Variants in AHCYL1 observed in about 807,000 individuals in gnomAD.
AHCYL1 encodes the protein S-adenosylhomocysteine hydrolase-like protein 1.
A neutral mutation model predicts 79.3 loss-of-function variants in AHCYL1; 20 were observed. That is an observed-to-expected ratio of 0.25 (90% CI 0.18 to 0.37). The LOEUF (loss-of-function observed/expected upper bound fraction) is 0.37, where lower values mean the gene tolerates loss of function less well. Ranked by LOEUF, AHCYL1 falls within the 10% of genes least tolerant of loss-of-function variation. AHCYL1 has a pLI of 1.00. For missense variants in AHCYL1, 330 were observed against 673.6 expected (o/e 0.49, Z 5.65); for synonymous variants, 223 against 242.2 (o/e 0.92, Z 0.74).
chr1:109,990,143 A>G (rs755429080), intron 1 of AHCYL1, among the ~76,000 whole-genome samples: 18 of 152,148 alleles, frequency 1.2e-4, no homozygotes, highest in Non-Finnish European at 2.5e-4. Context: ...CTGTTCCTAA[A>G]ACTGTGAGTA....
At position 110,013,133 on chromosome 1, in the gene AHCYL1, C is replaced by T. The variant is rs571087089; in HGVS notation, c.580+134C>T. Reference sequence around the variant, plus strand: ...AAATTGTGCATGATAAAAACCTCAACAGGAAGAAAGTGGATAATAAAATTA... The same window carrying T: ...AAATTGTGCATGATAAAAACCTCAATAGGAAGAAAGTGGATAATAAAATTA... On this transcript the variant is annotated intron_variant, in intron 5 of 16. Transcript: ENST00000369799. 9 of 593,298 alleles carry T rather than the reference C, an allele frequency of 1.5e-5. No individual in the cohort carries two copies. In the East Asian group the frequency reaches 2.2e-4, roughly 15 times the overall value. 36.8% of individuals were successfully genotyped at this position (593,298 alleles called of 1,614,324 possible). A position where few individuals can be genotyped will look rare whatever the true frequency, so the allele number is the denominator to read the frequency against.
At chr1:109,987,727 G>A (rs12077217) in intron 1 of AHCYL1, among the ~76,000 whole-genome samples, 4,555 of 152,212 alleles carry the variant, frequency 0.03, 238 homozygotes, top group African/African-American at 0.1. Flanking sequence ...ACTCAGTTTT[G>A]TATGCCAAGG....
intron 1 of AHCYL1, among the ~76,000 whole-genome samples, chr1:110,003,269 A>T (rs1650419220): frequency 6.6e-6 from 1 of 152,198 alleles, no homozygotes; most frequent in Non-Finnish European, 1.5e-5. Flanking sequence ...ATTCTGAACA[A>T]TTTATTGGTA....
At chr1:109,995,037 C>G (rs184805108) in intron 1 of AHCYL1, among the ~76,000 whole-genome samples, 17 of 152,178 alleles carry the variant, frequency 1.1e-4, no homozygotes, top group Middle Eastern at 6.8e-3. Flanking sequence ...CAAGATTTCC[C>G]GGAGAGAAAC....
intron 1 of AHCYL1, among the ~76,000 whole-genome samples, chr1:109,988,755 G>T (rs1421113108): frequency 1.3e-5 from 2 of 152,208 alleles, no homozygotes; most frequent in Admixed American, 1.3e-4. Context: ...GGAAGGAGAA[G>T]AGCACAGAAG....
chr1:109,994,471 T>C (rs1351131753), intron 1 of AHCYL1, among the ~76,000 whole-genome samples: 1 of 152,168 alleles, frequency 6.6e-6, no homozygotes, highest in Non-Finnish European at 1.5e-5. Context: ...TTGTTTTTAG[T>C]AGAGATGGGA....
At chr1:109,991,185 G>T (rs186865440) in intron 1 of AHCYL1, among the ~76,000 whole-genome samples, 11 of 152,252 alleles carry the variant, frequency 7.2e-5, no homozygotes, top group Admixed American at 5.2e-4. Flanking sequence ...CTGCTTATCA[G>T]TATACATTGG....
At position 110,019,493 on chromosome 1, in the gene AHCYL1, A is replaced by T; in HGVS notation, c.1387-55A>T. ...TGCTGTTTAACCTGGTTTTATTTTT[A>T]TGTGCCTGTCTAAGAAATATTTTTG... On this transcript the variant is annotated intron_variant, in intron 14 of 16. Coordinates refer to ENST00000369799, the MANE Select transcript of AHCYL1 (RefSeq NM_006621.7). 2.7e-6 allele frequency: 4 copies of T among 1,484,596 alleles called. No homozygotes were observed. In the South Asian group the frequency reaches 3.7e-5, roughly 14 times the overall value. 92.0% of individuals were successfully genotyped at this position (1,484,596 alleles called of 1,614,324 possible).
chr1:109,995,558 A>C lies in AHCYL1; in HGVS notation c.120+10386A>C, dbSNP rs758456297. ...TTGCCTTATTGTTTTATTTCTGAAC[A>C]AGGCATATCTAATGCATTTGTTCCC... On this transcript the variant is annotated intron_variant, in intron 1 of 16. Transcript: ENST00000369799. 7 of 513,762 alleles carry C rather than the reference A, an allele frequency of 1.4e-5. No individual in the cohort carries two copies. In the South Asian group the frequency reaches 5.9e-4, roughly 43 times the overall value. The allele number at this position is 513,762 out of a possible 1,614,324, so 31.8% of individuals were successfully genotyped here.
chr1:110,010,762 G>T (rs1223468639), intron 2 of AHCYL1, among the ~76,000 whole-genome samples: 2 of 152,192 alleles, frequency 1.3e-5, no homozygotes, highest in Admixed American at 6.5e-5. Flanking sequence ...TGGCCACAGG[G>T]TCTAGCAATA....
chr1:110,005,089 A>G (rs1650561509), intron 1 of AHCYL1, among the ~76,000 whole-genome samples: 2 of 152,336 alleles, frequency 1.3e-5, no homozygotes, highest in South Asian at 2.1e-4. Context: ...GACAGAATAT[A>G]TAAATTTAGG....
chr1:109,984,924 C>T lies in AHCYL1; in HGVS notation c.-129C>T, dbSNP rs1445181761. 4 of 1,309,622 alleles carry T rather than the reference C, an allele frequency of 3.1e-6. No individual in the cohort carries two copies. The highest frequency in any genetic ancestry group is 3.1e-5 in the African/African-American group (2 of 63,672). 81.1% of individuals were successfully genotyped at this position (1,309,622 alleles called of 1,614,324 possible). ...CACAGCACCTCAGAAGCCGACGCAG[C>T]TCGACGCAGGGGCCGGCAGGAGGGT... On this transcript the variant is annotated 5_prime_UTR_variant, in exon 1 of 17. Transcript: ENST00000369799.
At chr1:110,020,634 C>A in intron 15 of AHCYL1, 97 bp from the exon 16 acceptor site, 1 of 1,433,432 alleles carries the variant, frequency 7.0e-7, no homozygotes, top group South Asian at 1.5e-5. Flanking sequence ...CATCCCTTGT[C>A]TGCTTTCTTA....
chr1:109,988,552 G>GATTC (rs1279047002), intron 1 of AHCYL1, among the ~76,000 whole-genome samples: 2 of 152,142 alleles, frequency 1.3e-5, no homozygotes, highest in Non-Finnish European at 2.9e-5. Context: ...GTGTCAAGTT[G>GATTC]ATTCTTTTTT....
chr1:110,016,304 C>T, intron 7 of AHCYL1, 40 bp from the exon 8 acceptor site: 1 of 1,489,326 alleles, frequency 6.7e-7, no homozygotes, highest in Non-Finnish European at 9.2e-7. Flanking sequence ...TGCCAGCTAA[C>T]TTGGTTTTTG....
At chr1:109,986,393 C>T (rs1361525484) in intron 1 of AHCYL1, among the ~76,000 whole-genome samples, 1 of 151,758 alleles carries the variant, frequency 6.6e-6, no homozygotes, top group East Asian at 1.9e-4. Context: ...AAAGACGAGT[C>T]GCCATTGTGT....
At chr1:110,016,291 T>G in intron 7 of AHCYL1, 53 bp from the exon 8 acceptor site, 1 of 1,362,344 alleles carries the variant, frequency 7.3e-7, no homozygotes, top group South Asian at 1.2e-5. Context: ...ACAAATTATG[T>G]TGTGCCAGCT....
chr1:110,021,891 A>G lies in AHCYL1; in HGVS notation c.*211A>G, dbSNP rs1391099170. 10 of 509,396 alleles carry G rather than the reference A, an allele frequency of 2.0e-5. No homozygotes were observed. The highest frequency in any genetic ancestry group is 1.6e-4 in the African/African-American group (8 of 50,226). 31.6% of individuals were successfully genotyped at this position (509,396 alleles called of 1,614,324 possible). A position where few individuals can be genotyped will look rare whatever the true frequency, so the allele number is the denominator to read the frequency against. ...ATGAAATAGAAGTTCAGGGTTCCTC[A>G]CTCTAGTCACTAAAGAAGGATTTTA... On this transcript the variant is annotated 3_prime_UTR_variant, in exon 17 of 17. Transcript: ENST00000369799.
chr1:110,016,875 T>C (rs1379742339), intron 9 of AHCYL1, 145 bp downstream of exon 9: 3 of 875,370 alleles, frequency 3.4e-6, no homozygotes, highest in Admixed American at 5.4e-5. Context: ...AGCAAAAGCC[T>C]TTTATTCAGA....
Sources: gnomAD v4.1 joint callset for allele counts (sites outside exome capture counted in the v4.1 genomes callset) on GRCh38, gnomAD v4.1.1 for gene constraint, MANE v1.5 for transcripts, NCBI Gene and HGNC (gene_info 2026-07-23, HGNC 2026-07-21) for gene names.